PAIP2: variants seen among roughly 807,000 people sequenced by gnomAD.
The protein encoded by PAIP2 is polyadenylate-binding protein-interacting protein 2.
In PAIP2, 7 loss-of-function variants were observed where a neutral mutation model predicts 14.8. That is an observed-to-expected ratio of 0.47 (90% CI 0.27 to 0.89). PAIP2 has a LOEUF of 0.89. Ranked by LOEUF, PAIP2 falls within the 40% of genes least tolerant of loss-of-function variation. The pLI is 0.13. For synonymous variants in PAIP2, 47 were observed against 45.3 expected, an observed-to-expected ratio of 1.04 and a Z score of -0.15; for missense variants, 122 against 154.7, an observed-to-expected ratio of 0.79 and a Z score of 1.12.
intron 3 of PAIP2, 92 bp from the exon 4 acceptor site, chr5:139,368,641 T>G (rs1757451813): frequency 1.2e-6 from 1 of 860,756 alleles, no homozygotes; most frequent in African/African-American, 1.7e-5. Context: ...TGTCTTTTTT[T>G]TTTTGGAAGA....
chr5:139,365,377 C>G (rs1033218337), intron 3 of PAIP2, among the ~76,000 whole-genome samples: 7 of 151,430 alleles, frequency 4.6e-5, no homozygotes, highest in Admixed American at 1.3e-4. Context: ...GTAATCCCAG[C>G]TACTCAAAAG....
intron 1 of PAIP2, among the ~76,000 whole-genome samples, chr5:139,359,092 A>C (rs1298998565): frequency 6.6e-6 from 1 of 151,448 alleles, no homozygotes; most frequent in Non-Finnish European, 1.5e-5. Context: ...TTCCCACCTC[A>C]CTCTCCTGAG....
chr5:139,353,911 G>A (rs767784566), intron 1 of PAIP2, among the ~76,000 whole-genome samples: 6 of 151,914 alleles, frequency 3.9e-5, no homozygotes, highest in Non-Finnish European at 7.4e-5. Context: ...TAGTAGAGAC[G>A]GGGTTTTGCC....
chr5:139,343,634 G>C (rs148810451), intron 1 of PAIP2, among the ~76,000 whole-genome samples: 1 of 151,476 alleles, frequency 6.6e-6, no homozygotes, highest in Non-Finnish European at 1.5e-5. Flanking sequence ...AACCTTTTGT[G>C]CTTTTAAAAC....
intron 1 of PAIP2, chr5:139,342,488 G>A (rs1212254584): frequency 2.0e-5 from 3 of 152,158 alleles, no homozygotes; most frequent in Non-Finnish European, 2.9e-5. Context: ...GGCTCTTGGC[G>A]TCTTGGGGGA....
At chr5:139,359,698 G>A (rs1408569944) in intron 1 of PAIP2, among the ~76,000 whole-genome samples, 4 of 151,762 alleles carry the variant, frequency 2.6e-5, no homozygotes, top group East Asian at 2.0e-4. Flanking sequence ...GGCCGGACAC[G>A]GTGGCTCATG....
chr5:139,345,541 G>A (rs1395776373), intron 1 of PAIP2, among the ~76,000 whole-genome samples: 1 of 152,016 alleles, frequency 6.6e-6, no homozygotes, highest in Admixed American at 6.6e-5. Context: ...GATCACAGTG[G>A]TTCAAAACAG....
chr5:139,353,423 A>T (rs1307979756), intron 1 of PAIP2, among the ~76,000 whole-genome samples: 1 of 152,126 alleles, frequency 6.6e-6, no homozygotes, highest in African/African-American at 2.4e-5. Flanking sequence ...TCTGAATAGG[A>T]TGATGATATA....
At chr5:139,347,329 A>G (rs1253568377) in intron 1 of PAIP2, among the ~76,000 whole-genome samples, 2 of 135,888 alleles carry the variant, frequency 1.5e-5, no homozygotes, top group Non-Finnish European at 3.0e-5. Flanking sequence ...GCTGGAGTGC[A>G]GTGGCGCGAT....
intron 1 of PAIP2, among the ~76,000 whole-genome samples, chr5:139,358,046 C>G (rs1325497809): frequency 6.6e-6 from 1 of 151,786 alleles, no homozygotes; most frequent in African/African-American, 2.4e-5. Context: ...TTTAGTAGTT[C>G]TGTAGAGATA....
chr5:139,346,977 G>A (rs1756570887), intron 1 of PAIP2, among the ~76,000 whole-genome samples: 1 of 151,792 alleles, frequency 6.6e-6, no homozygotes, highest in Admixed American at 6.6e-5. Context: ...GCCTGGCTTA[G>A]TTTTTGTATT....
chr5:139,354,966 C>T (rs190612029), intron 1 of PAIP2, among the ~76,000 whole-genome samples: 3 of 151,388 alleles, frequency 2.0e-5, no homozygotes, highest in African/African-American at 4.9e-5. Context: ...ACTACAGGCA[C>T]GTGCTACCAC....
intron 1 of PAIP2, among the ~76,000 whole-genome samples, chr5:139,363,235 T>C (rs558552937): frequency 6.6e-6 from 1 of 151,244 alleles, no homozygotes; most frequent in Non-Finnish European, 1.5e-5. Context: ...AGTGAAACTC[T>C]ATCTCAAAAA....
chr5:139,346,890 A>C lies in PAIP2; in HGVS notation c.-27+4910A>C, dbSNP rs896731822. Among the ~76,000 whole-genome samples the C allele has an allele frequency of 4.6e-5, 7 of 151,254 alleles. No individual in the cohort carries two copies. In the South Asian group the frequency reaches 1.5e-3, roughly 31 times the overall value. On this transcript the variant is annotated intron_variant, in intron 1 of 3. Coordinates refer to ENST00000265192, the MANE Select transcript of PAIP2 (RefSeq NM_016480.5). ...GAATGCACCATCTCAGCTCACTGCA[A>C]CCTCTGCCTCCCAGGTTCAAGCAGT...
chr5:139,351,225 C>T (rs1581299616), intron 1 of PAIP2, among the ~76,000 whole-genome samples: 1 of 151,994 alleles, frequency 6.6e-6, no homozygotes, highest in Non-Finnish European at 1.5e-5. Context: ...AATCTGTCAT[C>T]TCTTACAGTT....
intron 1 of PAIP2, among the ~76,000 whole-genome samples, chr5:139,361,162 A>G (rs1442053966): frequency 6.6e-6 from 1 of 151,988 alleles, no homozygotes; most frequent in Non-Finnish European, 1.5e-5. Context: ...TCAACAATTA[A>G]AATTTTCACC....
intron 1 of PAIP2, among the ~76,000 whole-genome samples, chr5:139,345,405 T>C (rs1450493937): frequency 6.6e-6 from 1 of 152,146 alleles, no homozygotes. Flanking sequence ...TCGGTGCTTT[T>C]CACAGACTTC....
At chr5:139,360,617 CA>C (rs1381991148) in intron 1 of PAIP2, among the ~76,000 whole-genome samples, 8 of 152,014 alleles carry the variant, frequency 5.3e-5, no homozygotes, top group Non-Finnish European at 1.2e-4. Flanking sequence ...CTTGGCCTCC[CA>C]AGTAGCTGGG....
Position 139,368,768 on chromosome 5 carries a change from T to C in PAIP2, c.354T>C (p.Phe118=). The part of the protein sequence containing the change: ...KSNLNPNAKE[F]VPGVKYGNI ...ATCTGAATCCAAATGCAAAGGAGTTTGTTCCTGGGGTGAAGTACGGAAATA... is the reference window on the plus strand; with the variant it reads ...ATCTGAATCCAAATGCAAAGGAGTTCGTTCCTGGGGTGAAGTACGGAAATA... Residue 118 remains phenylalanine, a synonymous_variant, in exon 4 of 4, where the codon TTT becomes TTC. Transcript: ENST00000265192. The C allele has an allele frequency of 6.2e-7, 1 of 1,613,794 alleles. No homozygotes were observed. The highest frequency in any genetic ancestry group is 8.5e-7 in the Non-Finnish European group (1 of 1,179,754).
Sources: gnomAD v4.1 joint callset for allele counts (sites outside exome capture counted in the v4.1 genomes callset) on GRCh38, gnomAD v4.1.1 for gene constraint, MANE v1.5 for transcripts, NCBI Gene and HGNC (gene_info 2026-07-23, HGNC 2026-07-21) for gene names.